The following CSMD1 variants were observed in gnomAD, a reference collection of about 807,000 sequenced individuals.
The protein encoded by CSMD1 is CUB and Sushi multiple domains 1.
A neutral mutation model predicts 417.5 loss-of-function variants in CSMD1; 213 were observed. The observed-to-expected ratio is 0.51, with a 90% confidence interval of 0.46 to 0.57. The LOEUF (loss-of-function observed/expected upper bound fraction) is 0.57, where lower values mean the gene tolerates loss of function less well. Ranked by LOEUF, CSMD1 falls within the 20% of genes least tolerant of loss-of-function variation. The pLI is 0.00. For missense variants in CSMD1, 6,923 were observed against 4,529.7 expected (o/e 1.53, Z -15.17); for synonymous variants, 2,862 against 1,736.8 (o/e 1.65, Z -16.11).
chr8:4,115,436 T>G (rs890682229), intron 3 of CSMD1, among the ~76,000 whole-genome samples: 1 of 152,218 alleles, frequency 6.6e-6, no homozygotes, highest in African/African-American at 2.4e-5. Context: ...AGTCTAAAAC[T>G]GAATCTCTGA....
chr8:3,360,377 G>C (rs1213310233), intron 20 of CSMD1, among the ~76,000 whole-genome samples: 1 of 152,190 alleles, frequency 6.6e-6, no homozygotes, highest in Non-Finnish European at 1.5e-5. Context: ...TAGTATGTAC[G>C]TATAATTGAG....
At chr8:3,823,904 T>C (rs1412340791) in intron 5 of CSMD1, among the ~76,000 whole-genome samples, 3 of 152,206 alleles carry the variant, frequency 2.0e-5, no homozygotes, top group Non-Finnish European at 4.4e-5. Context: ...CGATTAAATA[T>C]TCATTTTTAA....
At chr8:4,409,642 C>CT (rs61368925) in intron 3 of CSMD1, among the ~76,000 whole-genome samples, 18 of 141,848 alleles carry the variant, frequency 1.3e-4, no homozygotes, top group African/African-American at 4.4e-4. Flanking sequence ...GACTTTTTTT[C>CT]TTTTTTTTTT....
chr8:4,245,741 C>G (rs1179392896), intron 3 of CSMD1, among the ~76,000 whole-genome samples: 3 of 152,042 alleles, frequency 2.0e-5, no homozygotes, highest in Non-Finnish European at 4.4e-5. Context: ...TTCTTGGTGA[C>G]TAAGTCAGGC....
chr8:3,529,877 G>A (rs1797905872), intron 10 of CSMD1, among the ~76,000 whole-genome samples: 1 of 152,156 alleles, frequency 6.6e-6, no homozygotes, highest in African/African-American at 2.4e-5. Flanking sequence ...CAAGAGAGAA[G>A]CAGGGCAAGC....
At chr8:3,868,521 A>AT (rs1464730039) in intron 5 of CSMD1, among the ~76,000 whole-genome samples, 1 of 151,982 alleles carries the variant, frequency 6.6e-6, no homozygotes, top group African/African-American at 2.4e-5. Context: ...AACACCACCA[A>AT]TTCCCAAATG....
At chr8:4,679,333 T>A (rs942989834) in intron 1 of CSMD1, among the ~76,000 whole-genome samples, 3 of 152,214 alleles carry the variant, frequency 2.0e-5, no homozygotes, top group Non-Finnish European at 4.4e-5. Flanking sequence ...CTGCCCATTT[T>A]TGATAAACAA....
intron 5 of CSMD1, among the ~76,000 whole-genome samples, chr8:3,849,428 C>G (rs1415018691): frequency 1.3e-5 from 2 of 152,166 alleles, no homozygotes; most frequent in South Asian, 4.1e-4. Flanking sequence ...GCTTAAATGT[C>G]AGAAAGTAAC....
At position 3,090,241 on chromosome 8, in the gene CSMD1, C is replaced by T. The variant is rs906273573; in HGVS notation, c.7285+1275G>A. Among the ~76,000 whole-genome samples, 19 of 137,002 alleles carry T rather than the reference C, an allele frequency of 1.4e-4. No homozygotes were observed. The East Asian group carries it at 2.6e-3, about 19-fold the overall frequency. The allele number at this position is 137,002 out of a possible 152,430, so 89.9% of individuals were successfully genotyped here. On this transcript the variant is annotated intron_variant, in intron 48 of 69. Coordinates refer to ENST00000635120, the MANE Select transcript of CSMD1 (RefSeq NM_033225.6). ...CTGAGGCAGGAGAATGGCCTGAACCCGGGAGGCGGAGCTTGCAGTGAGCCG... is the reference window on the plus strand; with the variant it reads ...CTGAGGCAGGAGAATGGCCTGAACCTGGGAGGCGGAGCTTGCAGTGAGCCG...
intron 2 of CSMD1, among the ~76,000 whole-genome samples, chr8:4,471,652 G>A (rs947522255): frequency 6.6e-6 from 1 of 152,070 alleles, no homozygotes; most frequent in Non-Finnish European, 1.5e-5. Context: ...AAAGAACTGG[G>A]AATGCTCACC....
At chr8:4,265,793 A>C (rs111379246) in intron 3 of CSMD1, among the ~76,000 whole-genome samples, 3 of 105,150 alleles carry the variant, frequency 2.9e-5, no homozygotes, top group African/African-American at 7.8e-5. Context: ...TGTGATGTTG[A>C]CTTTTATAAA....
chr8:4,762,127 G>T (rs1004349396), intron 1 of CSMD1, among the ~76,000 whole-genome samples: 1 of 151,954 alleles, frequency 6.6e-6, no homozygotes, highest in South Asian at 2.1e-4. Context: ...TAATGGAACT[G>T]AAATAAATGT....
chr8:4,104,587 A>G (rs1015385721), intron 3 of CSMD1, among the ~76,000 whole-genome samples: 1 of 152,196 alleles, frequency 6.6e-6, no homozygotes, highest in African/African-American at 2.4e-5. Flanking sequence ...ATGAATTAAT[A>G]ATTGCATGAG....
At chr8:4,689,021 T>A (rs1806585352) in intron 1 of CSMD1, among the ~76,000 whole-genome samples, 1 of 152,244 alleles carries the variant, frequency 6.6e-6, no homozygotes, top group Non-Finnish European at 1.5e-5. Context: ...TCTGTTCATA[T>A]GAATACAATC....
At chr8:4,013,393 G>C (rs1311121304) in intron 4 of CSMD1, among the ~76,000 whole-genome samples, 4 of 152,082 alleles carry the variant, frequency 2.6e-5, no homozygotes, top group Admixed American at 6.6e-5. Context: ...TATTCTCGCA[G>C]GGCTCACTCT....
intron 5 of CSMD1, among the ~76,000 whole-genome samples, chr8:3,969,032 C>T (rs2627459): frequency 0.17 from 25,599 of 152,106 alleles, 2,210 homozygotes; most frequent in African/African-American, 0.2. Flanking sequence ...AGGTGGATCA[C>T]TTGAGTTCAG....
intron 27 of CSMD1, among the ~76,000 whole-genome samples, chr8:3,224,136 C>A (rs1483542449): frequency 1.3e-5 from 2 of 152,140 alleles, no homozygotes; most frequent in African/African-American, 2.4e-5. Flanking sequence ...CAAAAAATTT[C>A]TTTCCTATAA....
At position 3,760,341 on chromosome 8, in the gene CSMD1, C is replaced by G. The variant is rs1054486106; in HGVS notation, c.819-6299G>C. 2.0e-5 allele frequency among the ~76,000 whole-genome samples: 3 copies of G among 152,186 alleles called. No individual in the cohort carries two copies. In the East Asian group the frequency reaches 5.8e-4, roughly 29 times the overall value. On this transcript the variant is annotated intron_variant, in intron 5 of 69. Transcript: ENST00000635120. ...AATTCATTTCCTTCAGAGGATTCAA[C>G]TGGGTTTTGCTTCTGCTAAGAGTTA...
intron 3 of CSMD1, among the ~76,000 whole-genome samples, chr8:4,099,101 C>A (rs911734481): frequency 1.3e-5 from 2 of 151,510 alleles, no homozygotes. Context: ...CTGTTTTTTT[C>A]TTTTTTTGTC....
Sources: allele counts gnomAD v4.1 joint callset (sites outside exome capture counted in the v4.1 genomes callset), GRCh38; gene constraint gnomAD v4.1.1; transcripts MANE v1.5; gene names NCBI Gene and HGNC (gene_info 2026-07-23, HGNC 2026-07-21).